The following NR5A1 variants were observed in gnomAD, a reference collection of about 807,000 sequenced individuals.
NR5A1 encodes the protein steroidogenic factor 1.
NR5A1 carries 6 observed loss-of-function variants against 42.7 expected under a neutral mutation model. The observed-to-expected ratio is 0.14, with a 90% CI of 0.08 to 0.28. The LOEUF (loss-of-function observed/expected upper bound fraction) is 0.28. Ranked by LOEUF, NR5A1 falls within the 10% of genes least tolerant of loss-of-function variation. NR5A1 has a pLI of 1.00. For missense variants in NR5A1, 442 were observed against 626.4 expected, an observed-to-expected ratio of 0.71 and a Z score of 3.14; for synonymous variants, 274 against 277.5, an observed-to-expected ratio of 0.99 and a Z score of 0.12.
chr9:124,484,490 C>T (rs1285287913), intron 6 of NR5A1, among the ~76,000 whole-genome samples: 2 of 152,194 alleles, frequency 1.3e-5, no homozygotes, highest in Non-Finnish European at 2.9e-5. Context: ...GTGGTTCACA[C>T]CTGTCATCCT....
At chr9:124,497,397 A>G (rs2131284046) in intron 4 of NR5A1, among the ~76,000 whole-genome samples, 1 of 152,278 alleles carries the variant, frequency 6.6e-6, no homozygotes, top group African/African-American at 2.4e-5. Flanking sequence ...CGAATCTACC[A>G]TGCTGGGATT....
In NR5A1 at chr9:124,504,051, A is replaced by AGAGAGAGAGAGAGAGAGAGAGAG. The variant is rs879911122; in HGVS notation, c.-15-642_-15-641insCTCTCTCTCTCTCTCTCTCTCTC. Among the ~76,000 whole-genome samples, 39 of 126,618 alleles carry AGAGAGAGAGAGAGAGAGAGAGAG rather than the reference A, an allele frequency of 3.1e-4. 2 individuals are homozygous for AGAGAGAGAGAGAGAGAGAGAGAG. The highest frequency in any genetic ancestry group is 1.4e-3 in the African/African-American group (34 of 24,288). The allele number at this position is 126,618 out of a possible 152,430, so 83.1% of individuals were successfully genotyped here. On this transcript the variant is annotated intron_variant, in intron 1 of 6. Coordinates refer to ENST00000373588, the MANE Select transcript of NR5A1 (RefSeq NM_004959.5). ...GAGAGAGAGAGAGAGAGAGAGAGAG[A>AGAGAGAGAGAGAGAGAGAGAGAG]CGAGAGAGAGAGAGAGAGAGAGAAA...
intron 6 of NR5A1, among the ~76,000 whole-genome samples, chr9:124,484,265 A>G (rs1324339960): frequency 1.3e-5 from 2 of 152,212 alleles, no homozygotes; most frequent in Non-Finnish European, 1.5e-5. Context: ...GTCAGGGGCC[A>G]TCTCTGCTCA....
chr9:124,495,523 C>A (rs1022651093), intron 4 of NR5A1, among the ~76,000 whole-genome samples: 3 of 152,190 alleles, frequency 2.0e-5, no homozygotes, highest in Non-Finnish European at 4.4e-5. Flanking sequence ...CCTCCTGAGA[C>A]CTGGGAAGGA....
Position 124,503,062 on chromosome 9 carries a change from GC to G in NR5A1, c.244+16del. The G allele has an allele frequency of 6.4e-7, 1 of 1,558,004 alleles. No individual in the cohort carries two copies. The highest frequency in any genetic ancestry group is 8.7e-7 in the Non-Finnish European group (1 of 1,155,678). On this transcript the variant is annotated intron_variant, in intron 3 of 6. Coordinates refer to ENST00000373588, the MANE Select transcript of NR5A1 (RefSeq NM_004959.5). The surrounding 1 kb of genome is among the most constrained non-coding windows in gnomAD (Gnocchi z 9.6). ...AGGCTGTGGGGGGTCAGGGGTCGAG[GC>G]CCGCGCGGCGCGCACCTTCCAGGCG...
chr9:124,501,655 C>T lies in NR5A1; in HGVS notation c.245-940G>A, dbSNP rs913393355. ...AGCGCTGTGCTGCTCGCAGGCTGCA[C>T]GGGAGTTTCTACTGCCCACAACAGC... is the stretch of plus-strand genomic sequence containing the variant. On this transcript the variant is annotated intron_variant, in intron 3 of 6. Transcript: ENST00000373588. The surrounding 1 kb of genome is among the most constrained non-coding windows in gnomAD (Gnocchi z 4.1). 3.3e-5 allele frequency among the ~76,000 whole-genome samples: 5 copies of T among 152,288 alleles called. No individual in the cohort carries two copies. Among genetic ancestry groups the T allele is most frequent in the East Asian group, 1.9e-4 (1 of 5,168 alleles).
chr9:124,483,885 T>C lies in NR5A1; in HGVS notation c.1139-880A>G, dbSNP rs536684900. Among the ~76,000 whole-genome samples the C allele has an allele frequency of 1.1e-3, 160 of 152,278 alleles. 2 individuals carry two copies. In the South Asian group the frequency reaches 0.031, roughly 30 times the overall value. On this transcript the variant is annotated intron_variant, in intron 6 of 6. Coordinates refer to ENST00000373588, the MANE Select transcript of NR5A1 (RefSeq NM_004959.5). ...AGGCTCCAGTACCCCCAGGAAGGAC[T>C]CTCATGGGGCCATGGGGGAGCATGC...
intron 6 of NR5A1, among the ~76,000 whole-genome samples, chr9:124,486,848 T>C (rs539230050): frequency 1.8e-4 from 27 of 152,298 alleles, no homozygotes; most frequent in Admixed American, 1.4e-3. Flanking sequence ...CCTTCATGTG[T>C]CAGGGGTTCA....
chr9:124,491,276 C>A, intron 5 of NR5A1, 48 bp from the exon 6 acceptor site: 1 of 1,490,822 alleles, frequency 6.7e-7, no homozygotes, highest in South Asian at 1.2e-5. Flanking sequence ...GACGTGGGTC[C>A]GGGCAGGTGG....
chr9:124,485,675 A>G (rs1337678617), intron 6 of NR5A1, among the ~76,000 whole-genome samples: 1 of 152,224 alleles, frequency 6.6e-6, no homozygotes, highest in Non-Finnish European at 1.5e-5. Context: ...ATGCTGCTAT[A>G]TCCATCCCAA....
chr9:124,507,397 G>A lies in NR5A1; in HGVS notation c.-164C>T, dbSNP rs1433242391. On this transcript the variant is annotated 5_prime_UTR_variant, in exon 1 of 7. Transcript: ENST00000373588. ...ACGGCGGGCGGCAGCCGGACAGCAGGCTGGCCCTGTCCGTCCGTCCTCCTC... is the reference window on the plus strand; with the variant it reads ...ACGGCGGGCGGCAGCCGGACAGCAGACTGGCCCTGTCCGTCCGTCCTCCTC... 6.6e-6 allele frequency: 1 copy of A among 152,252 alleles called. No homozygotes were observed. The highest frequency in any genetic ancestry group is 1.5e-5 in the Non-Finnish European group (1 of 68,070). The allele number at this position is 152,252 out of a possible 1,614,324, so 9.4% of individuals were successfully genotyped here.
intron 4 of NR5A1, among the ~76,000 whole-genome samples, chr9:124,494,771 T>G (rs1328700531): frequency 1.4e-5 from 2 of 146,052 alleles, no homozygotes; most frequent in Non-Finnish European, 3.0e-5. Flanking sequence ...CACTCCCCAC[T>G]GGGGGCCAGG....
chr9:124,488,006 G>C (rs1471609416), intron 6 of NR5A1, among the ~76,000 whole-genome samples: 1 of 152,148 alleles, frequency 6.6e-6, no homozygotes, highest in Non-Finnish European at 1.5e-5. Flanking sequence ...TCAAGGCTTT[G>C]CACAGCTCAG....
chr9:124,482,331 T>C lies in NR5A1; in HGVS notation c.*427A>G. Reference sequence around the variant, plus strand: ...AGACCCTCTCTCCTCCCCTAGTTGATACCTGCTCAACTTCTCCCTGTCTGT... The same window carrying C: ...AGACCCTCTCTCCTCCCCTAGTTGACACCTGCTCAACTTCTCCCTGTCTGT... On this transcript the variant is annotated 3_prime_UTR_variant, in exon 7 of 7. Coordinates refer to ENST00000373588, the MANE Select transcript of NR5A1 (RefSeq NM_004959.5). 3.3e-6 allele frequency: 1 copy of C among 298,958 alleles called. No individual in the cohort carries two copies. The highest frequency in any genetic ancestry group is 6.6e-6 in the Non-Finnish European group (1 of 151,394). 18.5% of individuals were successfully genotyped at this position (298,958 alleles called of 1,614,324 possible).
At position 124,500,589 on chromosome 9, in the gene NR5A1, G is replaced by A; in HGVS notation, c.371C>T (p.Pro124Leu). The change falls in exon 4 of 7, where the codon CCC (proline) becomes CTC (leucine). Residue 124 changes from proline to leucine, a missense_variant. Around this residue, in one of 3 missense-constraint regions of NR5A1, gnomAD observed 208 missense variants for 203.8 expected, o/e 1.02. Transcript: ENST00000373588. This position sits in a 1 kb window ranked among gnomAD's most constrained non-coding sequence, Gnocchi z 6.9. Reference sequence around the variant, plus strand: ...GGGCGGCGGGGGCACCCCCATCGGGGGCCCTGTCTCCAGCTTGAAGCCATT... The same window carrying A: ...GGGCGGCGGGGGCACCCCCATCGGGAGCCCTGTCTCCAGCTTGAAGCCATT... ...RANGFKLETG[P>L]PMGVPPPPPP... 6.2e-6 allele frequency: 10 copies of A among 1,612,274 alleles called. No homozygotes were observed. Among genetic ancestry groups the A allele is most frequent in the Non-Finnish European group, 7.6e-6 (9 of 1,179,946 alleles).
In NR5A1 at chr9:124,481,961, C is replaced by T. The variant is rs1206588923; in HGVS notation, c.*797G>A. On this transcript the variant is annotated 3_prime_UTR_variant, in exon 7 of 7. Transcript: ENST00000373588. ...CAAGGAGTGTCTAGAAGCTTAAAAACAAAAAGCGGGGAGAAAAACCTCTTG... is the reference window on the plus strand; with the variant it reads ...CAAGGAGTGTCTAGAAGCTTAAAAATAAAAAGCGGGGAGAAAAACCTCTTG... 2 of 152,266 alleles carry T rather than the reference C, an allele frequency of 1.3e-5. No homozygotes were observed. Among genetic ancestry groups the T allele is most frequent in the African/African-American group, 4.8e-5 (2 of 41,444 alleles). 9.4% of individuals were successfully genotyped at this position (152,266 alleles called of 1,614,324 possible).
intron 1 of NR5A1, among the ~76,000 whole-genome samples, chr9:124,506,372 C>T (rs1564154996): frequency 6.6e-6 from 1 of 152,196 alleles, no homozygotes; most frequent in Admixed American, 6.5e-5. Context: ...ACCCCCCGCA[C>T]CCCCAAACCC....
At chr9:124,484,753 CTAAATAAA>C (rs56282643) in intron 6 of NR5A1, among the ~76,000 whole-genome samples, 18 of 148,596 alleles carry the variant, frequency 1.2e-4, no homozygotes, top group African/African-American at 2.7e-4. Context: ...GACTCTGTCT[CTAAATAAA>C]TAAATAAATA....
chr9:124,500,836 C>T lies in NR5A1; in HGVS notation c.245-121G>A. ...TCCCCTGCTCAACACCCTTTCATGG[C>T]TCCCACTGACCACAGGGGAAGTCAG... On this transcript the variant is annotated intron_variant, in intron 3 of 6. Coordinates refer to ENST00000373588, the MANE Select transcript of NR5A1 (RefSeq NM_004959.5). This position sits in a 1 kb window ranked among gnomAD's most constrained non-coding sequence, Gnocchi z 6.9. The T allele has an allele frequency of 6.8e-7, 1 of 1,471,908 alleles. No individual in the cohort carries two copies. 91.2% of individuals were successfully genotyped at this position (1,471,908 alleles called of 1,614,324 possible).
Sources: allele counts gnomAD v4.1 joint callset (sites outside exome capture counted in the v4.1 genomes callset), GRCh38; gene constraint gnomAD v4.1.1; regional missense constraint gnomAD v4.1.1; non-coding constraint Gnocchi (gnomAD v3.1); transcripts MANE v1.5; gene names NCBI Gene and HGNC (gene_info 2026-07-23, HGNC 2026-07-21).